N4BP2L2: variants seen among roughly 807,000 people sequenced by gnomAD.
The protein encoded by N4BP2L2 is NEDD4 binding protein 2 like 2.
N4BP2L2 carries 50 observed loss-of-function variants against 56.2 expected under a neutral mutation model. The ratio of observed to expected loss-of-function variants is 0.89; its 90% confidence interval spans 0.71 to 1.13. The LOEUF (loss-of-function observed/expected upper bound fraction) is 1.13, where lower values mean the gene tolerates loss of function less well. Among genes scored for constraint, N4BP2L2 ranks in the 50% most tolerant of loss-of-function variants. The pLI, the probability that N4BP2L2 is intolerant of heterozygous loss-of-function variation, is 0.00. For missense variants in N4BP2L2, 689 were observed against 693.8 expected (o/e 0.99, Z 0.08); for synonymous variants, 203 against 223.6 (o/e 0.91, Z 0.82).
chr13:32,500,636 T>C (rs1196416232), intron 6 of N4BP2L2, among the ~76,000 whole-genome samples: 1 of 151,080 alleles, frequency 6.6e-6, no homozygotes, highest in Non-Finnish European at 1.5e-5. Flanking sequence ...GAGGACTGCT[T>C]GAACTTAGGA....
intron 6 of N4BP2L2, among the ~76,000 whole-genome samples, chr13:32,495,142 T>C (rs1468011108): frequency 1.3e-5 from 2 of 152,176 alleles, no homozygotes. Context: ...ATGCACAAAC[T>C]GCTATGGATA....
At chr13:32,537,320 C>A (rs1010397085) in intron 1 of N4BP2L2, among the ~76,000 whole-genome samples, 2 of 151,526 alleles carry the variant, frequency 1.3e-5, no homozygotes, top group African/African-American at 4.9e-5. Context: ...ATTTAGAAGA[C>A]CTAAAAGATT....
At chr13:32,434,058 T>A (rs1388446060) in intron 9 of N4BP2L2, among the ~76,000 whole-genome samples, 1 of 151,964 alleles carries the variant, frequency 6.6e-6, no homozygotes. Context: ...CTAGGCTCCA[T>A]ACTTTGCACA....
chr13:32,445,677 T>C (rs1414563359), intron 6 of N4BP2L2, among the ~76,000 whole-genome samples: 25 of 152,212 alleles, frequency 1.6e-4, no homozygotes, highest in Admixed American at 1.6e-3. Flanking sequence ...ACTGGTAATG[T>C]GTTACCACAC....
chr13:32,522,005 A>C, intron 4 of N4BP2L2, 177 bp downstream of exon 4: 1 of 559,712 alleles, frequency 1.8e-6, no homozygotes. Context: ...AACAAGATGA[A>C]CATGTTCCTT....
intron 1 of N4BP2L2, among the ~76,000 whole-genome samples, chr13:32,537,235 TATC>T (rs2056775109): frequency 6.6e-6 from 1 of 151,860 alleles, no homozygotes; most frequent in Admixed American, 6.6e-5. Context: ...TCTCGTTGAA[TATC>T]CTTTTTGAAA....
At chr13:32,522,304 C>T in intron 3 of N4BP2L2, 34 bp from the exon 4 acceptor site, 1 of 1,337,864 alleles carries the variant, frequency 7.5e-7, no homozygotes, top group South Asian at 1.4e-5. Context: ...AATAAAAAAA[C>T]AAATTAGGTT....
At chr13:32,445,519 T>C (rs901219128) in intron 6 of N4BP2L2, among the ~76,000 whole-genome samples, 1 of 152,214 alleles carries the variant, frequency 6.6e-6, no homozygotes, top group African/African-American at 2.4e-5. Context: ...CCTCTAGACA[T>C]GAAGAATGGT....
intron 3 of N4BP2L2, chr13:32,525,382 T>A (rs2052425916): frequency 6.6e-6 from 1 of 152,358 alleles, no homozygotes; most frequent in East Asian, 1.9e-4. Context: ...CAAACTTATC[T>A]GATGTTTAAA....
exon 2 of N4BP2L2, chr13:32,536,569 T>C (rs1252578207): frequency 1.9e-6 from 3 of 1,613,774 alleles, no homozygotes. Flanking sequence ...CTTTTTGTCC[T>C]CCTCTGTCAT....
chr13:32,517,940 T>C, exon 6 of N4BP2L2: 1 of 1,614,114 alleles, frequency 6.2e-7, no homozygotes, highest in East Asian at 2.2e-5. Flanking sequence ...AAATGGACAT[T>C]TGATATTCAT....
chr13:32,438,699 A>G, exon 8 of N4BP2L2: 2 of 1,611,112 alleles, frequency 1.2e-6, no homozygotes, highest in South Asian at 1.1e-5. Flanking sequence ...AGTGTCTTCC[A>G]GTCAAGGGGA....
At position 32,493,634 on chromosome 13, in the gene N4BP2L2, TG is replaced by T. The variant is rs1184215697; in HGVS notation, c.365+24222del. On this transcript the variant is annotated intron_variant, in intron 6 of 9. Transcript: ENST00000357505. The stretch of plus-strand genomic sequence containing the variant: ...CTGTCAAGGTTTCATATTAAAATGT[TG>T]AAAGTGGATACAAAATCAAGAGACT... Among the ~76,000 whole-genome samples the T allele has an allele frequency of 1.1e-4, 17 of 152,302 alleles. No homozygotes were observed. In the East Asian group the frequency reaches 3.3e-3, roughly 29 times the overall value.
At position 32,466,281 on chromosome 13, in the gene N4BP2L2, C is replaced by T. The variant is rs2138819550; in HGVS notation, c.366-22155G>A. ...AATATTGAGCAAAAGAAGCTAGTCA[C>T]AGAGGCCAGGCGTGGTGGCTCACCC... On this transcript the variant is annotated intron_variant, in intron 6 of 9. Coordinates refer to the N4BP2L2 transcript ENST00000357505. 2.0e-5 allele frequency among the ~76,000 whole-genome samples: 3 copies of T among 152,112 alleles called. No homozygotes were observed. In the South Asian group the frequency reaches 6.2e-4, roughly 32 times the overall value.
downstream of N4BP2L2, chr13:32,507,421 G>A (rs978828790): frequency 6.6e-6 from 1 of 152,114 alleles, no homozygotes; most frequent in Non-Finnish European, 1.5e-5. Context: ...AGCTCCTACA[G>A]TACTACAGGC....
In N4BP2L2 at chr13:32,527,385, G is replaced by A. The variant is rs762883435; in HGVS notation, c.1384+23C>T. 3.1e-6 allele frequency: 5 copies of A among 1,610,624 alleles called. No individual in the cohort carries two copies. The Admixed American group carries it at 8.5e-5, about 27-fold the overall frequency. ...GACTCCTAGCCAAATATTCTATCCT[G>A]GGACACTTAGCCCAAAACAAACCTC... On this transcript the variant is annotated intron_variant, in intron 3 of 5. Transcript: ENST00000267068.
intron 6 of N4BP2L2, chr13:32,446,300 A>T (rs2077037571): frequency 1.7e-6 from 2 of 1,202,034 alleles, no homozygotes; most frequent in Non-Finnish European, 2.3e-6. Flanking sequence ...CTCTATAAAA[A>T]GGATATTGAG....
At chr13:32,506,565 A>T (rs1304086283), downstream of N4BP2L2, 1 of 152,236 alleles carries the variant, frequency 6.6e-6, no homozygotes, top group East Asian at 1.9e-4. Flanking sequence ...AATAAGGGAA[A>T]TAATAATATA....
At chr13:32,508,259 G>C (rs878953360), downstream of N4BP2L2, 150 of 152,220 alleles carry the variant, frequency 9.9e-4, no homozygotes, top group African/African-American at 3.5e-3. Flanking sequence ...AATGAATGTA[G>C]ACTACTCTTC....
Sources: allele counts gnomAD v4.1 joint callset (sites outside exome capture counted in the v4.1 genomes callset), GRCh38; gene constraint gnomAD v4.1.1; transcripts MANE v1.5; gene names NCBI Gene and HGNC (gene_info 2026-07-23, HGNC 2026-07-21).